NRXN1: variants seen among roughly 807,000 people sequenced by gnomAD.
NRXN1 encodes the protein neurexin-1.
Under a neutral mutation model 150.9 loss-of-function variants are expected in NRXN1, and 39 were observed. That is an observed-to-expected ratio of 0.26 (90% CI 0.20 to 0.34). The LOEUF (loss-of-function observed/expected upper bound fraction) is 0.34. NRXN1 is among the 10% of genes least tolerant of loss of function. The pLI, the probability that NRXN1 is intolerant of heterozygous loss-of-function variation, is 1.00. For missense variants in NRXN1, 1,815 were observed against 1,949.9 expected, an observed-to-expected ratio of 0.93 and a Z score of 1.30; for synonymous variants, 924 against 757.0, an observed-to-expected ratio of 1.22 and a Z score of -3.62.
At chr2:50,964,034 T>A (rs747056850) in intron 2 of NRXN1, 4 of 428,198 alleles carry the variant, frequency 9.3e-6, no homozygotes, top group Non-Finnish European at 1.9e-5. Context: ...ATTTTTTGCC[T>A]ACTATGCAGA....
In NRXN1 at chr2:49,943,720, C is replaced by T. The variant is rs762505334; in HGVS notation, c.4200G>A (p.Pro1400=). The T allele has an allele frequency of 1.7e-5, 27 of 1,611,336 alleles. No individual in the cohort carries two copies. The South Asian group carries it at 2.5e-4, about 15-fold the overall frequency. The change falls in exon 22 of 23, where the codon CCG becomes CCA. Residue 1400 remains proline, a synonymous_variant. Transcript: ENST00000401669. ...SDDEDIDPCE[P]SSGGLANPTR... is the part of the protein sequence containing the mutation. Reference sequence around the variant, plus strand: ...TTGACTAACCTAACCCACCTGAGCTCGGCTCACAGGGGTCAATGTCCTCAT... The same window carrying T: ...TTGACTAACCTAACCCACCTGAGCTTGGCTCACAGGGGTCAATGTCCTCAT...
At chr2:50,902,436 T>A (rs192594618) in intron 5 of NRXN1, among the ~76,000 whole-genome samples, 35 of 151,716 alleles carry the variant, frequency 2.3e-4, no homozygotes, top group Non-Finnish European at 4.1e-4. Context: ...CATAAAAAAA[T>A]TCTAAATGCA....
intron 21 of NRXN1, among the ~76,000 whole-genome samples, chr2:50,013,273 C>CT (rs3046630): frequency 0.014 from 1,853 of 136,130 alleles, 64 homozygotes; most frequent in African/African-American, 0.045. Flanking sequence ...ATTAAAGTTT[C>CT]TTTTTTTTTT....
At chr2:50,193,233 C>G (rs889575591) in intron 18 of NRXN1, among the ~76,000 whole-genome samples, 1 of 152,064 alleles carries the variant, frequency 6.6e-6, no homozygotes, top group African/African-American at 2.4e-5. Flanking sequence ...TCACATAGCA[C>G]TGATTAAAGA....
rs1553609855 is a variant in NRXN1, at chr2:50,434,043, A to ATCTTTTTTTTTTTTTTTTTTTTTTT, written c.3364+31398_3364+31399insAAAAAAAAAAAAAAAAAAAAAAAGA. ...ACTCCTTGCTTCCGGTATCTAAGCC[A>ATCTTTTTTTTTTTTTTTTTTTTTTT]TTTTTTTTTTTTTTTTTTTTTTTTT... On this transcript the variant is annotated intron_variant, in intron 17 of 22. Coordinates refer to ENST00000401669, the MANE Select transcript of NRXN1 (RefSeq NM_001330078.2). Among the ~76,000 whole-genome samples the ATCTTTTTTTTTTTTTTTTTTTTTTT allele has an allele frequency of 2.8e-5, 2 of 72,154 alleles. 1 individual carries two copies. The highest frequency in any genetic ancestry group is 1.1e-4 in the African/African-American group (2 of 18,162). 47.3% of individuals were successfully genotyped at this position (72,154 alleles called of 152,430 possible).
At chr2:50,931,340 T>C (rs943629418) in intron 2 of NRXN1, among the ~76,000 whole-genome samples, 6 of 152,118 alleles carry the variant, frequency 3.9e-5, no homozygotes, top group African/African-American at 1.4e-4. Context: ...ATTTAATTTA[T>C]CTAAGAAAAG....
chr2:50,871,030 T>G (rs1047187057), intron 5 of NRXN1, among the ~76,000 whole-genome samples: 17 of 151,970 alleles, frequency 1.1e-4, no homozygotes, highest in African/African-American at 4.1e-4. Flanking sequence ...TCACATTTTA[T>G]TGAAAAATTA....
intron 5 of NRXN1, among the ~76,000 whole-genome samples, chr2:50,680,717 G>A (rs773293182): frequency 2.0e-4 from 30 of 150,626 alleles, no homozygotes; most frequent in East Asian, 5.9e-4. Flanking sequence ...ACAAGTAAAC[G>A]AATTTCCTTC....
At chr2:50,881,404 A>G (rs1179906267) in intron 5 of NRXN1, among the ~76,000 whole-genome samples, 1 of 151,980 alleles carries the variant, frequency 6.6e-6, no homozygotes, top group African/African-American at 2.4e-5. Flanking sequence ...GGCATGGTCA[A>G]TGTTATTCGG....
chr2:50,747,598 C>A (rs1392478110), intron 5 of NRXN1, among the ~76,000 whole-genome samples: 1 of 152,086 alleles, frequency 6.6e-6, no homozygotes, highest in Non-Finnish European at 1.5e-5. Flanking sequence ...AGTGTGGCCA[C>A]ACTTGATCTA....
chr2:50,850,304 C>G (rs939345673), intron 5 of NRXN1, among the ~76,000 whole-genome samples: 7 of 151,770 alleles, frequency 4.6e-5, no homozygotes, highest in African/African-American at 1.5e-4. Context: ...ATTTGGACCT[C>G]CCTTCTCCAC....
At chr2:50,564,074 A>C (rs1250286627) in intron 8 of NRXN1, among the ~76,000 whole-genome samples, 5 of 152,220 alleles carry the variant, frequency 3.3e-5, no homozygotes, top group African/African-American at 4.8e-5. Flanking sequence ...TATAAGATTT[A>C]TATTTACATA....
At chr2:49,974,119 G>A in intron 21 of NRXN1, 1 of 715,840 alleles carries the variant, frequency 1.4e-6, no homozygotes, top group Non-Finnish European at 2.6e-6. Flanking sequence ...CTGACTCAGT[G>A]GGAGATCAAG....
intron 17 of NRXN1, among the ~76,000 whole-genome samples, chr2:50,262,316 T>A (rs1161990892): frequency 6.6e-6 from 1 of 151,898 alleles, no homozygotes; most frequent in East Asian, 1.9e-4. Context: ...AGCAGTTAAC[T>A]TTTTAATTTT....
At chr2:50,004,891 T>C (rs1684511722) in intron 21 of NRXN1, among the ~76,000 whole-genome samples, 1 of 152,162 alleles carries the variant, frequency 6.6e-6, no homozygotes, top group Non-Finnish European at 1.5e-5. Flanking sequence ...CAAAAGCTAT[T>C]GCTCATCTCA....
At chr2:49,963,203 G>A (rs984492470) in intron 21 of NRXN1, among the ~76,000 whole-genome samples, 4 of 151,948 alleles carry the variant, frequency 2.6e-5, no homozygotes, top group Non-Finnish European at 5.9e-5. Flanking sequence ...TCCTTTTAAC[G>A]TCACAGAATT....
At chr2:50,048,561 T>C (rs1239992102) in intron 21 of NRXN1, among the ~76,000 whole-genome samples, 1 of 152,180 alleles carries the variant, frequency 6.6e-6, no homozygotes, top group Admixed American at 6.6e-5. Flanking sequence ...CAAATAATAT[T>C]CATTTTTCAT....
In NRXN1 at chr2:50,472,377, T is replaced by C. The variant is rs1553656447; in HGVS notation, c.3165A>G (p.Ser1055=). The change falls in exon 16 of 23, where the codon TCA becomes TCG. Residue 1055 remains serine (S), a synonymous_variant. Transcript: ENST00000401669. ...AKEGFQGCLA[S]VDLNGRLPDL... Reference sequence around the variant, plus strand: ...CCGGAAGCCGTCCATTTAAATCAACTGATGCCAGGCAGCCTTGAAAGCCTT... The same window carrying C: ...CCGGAAGCCGTCCATTTAAATCAACCGATGCCAGGCAGCCTTGAAAGCCTT... 4 of 1,612,144 alleles carry C rather than the reference T, an allele frequency of 2.5e-6. No homozygotes were observed. Among genetic ancestry groups the C allele is most frequent in the African/African-American group, 1.3e-5 (1 of 74,786 alleles).
At chr2:50,970,228 G>A (rs896711128) in intron 2 of NRXN1, among the ~76,000 whole-genome samples, 1 of 152,088 alleles carries the variant, frequency 6.6e-6, no homozygotes, top group Admixed American at 6.6e-5. Flanking sequence ...GACCTGCCTT[G>A]GGGAAGAGGG....
Sources: allele counts gnomAD v4.1 joint callset (sites outside exome capture counted in the v4.1 genomes callset), GRCh38; gene constraint gnomAD v4.1.1; transcripts MANE v1.5; gene names NCBI Gene and HGNC (gene_info 2026-07-23, HGNC 2026-07-21).